GABRG3: variants seen among roughly 807,000 people sequenced by gnomAD.
GABRG3 encodes the protein gamma-aminobutyric acid receptor subunit gamma-3.
Under a neutral mutation model 48.8 loss-of-function variants are expected in GABRG3, and 25 were observed. The ratio of observed to expected loss-of-function variants is 0.51; its 90% CI spans 0.37 to 0.72. The LOEUF (loss-of-function observed/expected upper bound fraction) is 0.72. GABRG3 is among the 30% of genes least tolerant of loss of function. GABRG3 has a pLI of 0.00. For missense variants in GABRG3, 394 were observed against 577.9 expected (o/e 0.68, Z 3.26); for synonymous variants, 227 against 217.6 (o/e 1.04, Z -0.38).
At chr15:27,445,669 G>A (rs925480082) in intron 5 of GABRG3, among the ~76,000 whole-genome samples, 9 of 152,096 alleles carry the variant, frequency 5.9e-5, no homozygotes, top group African/African-American at 2.2e-4. Flanking sequence ...TTTTTGAGGT[G>A]CAAAATTTAA....
At chr15:27,098,705 T>C (rs949145338) in intron 3 of GABRG3, among the ~76,000 whole-genome samples, 1 of 152,046 alleles carries the variant, frequency 6.6e-6, no homozygotes, top group Non-Finnish European at 1.5e-5. Context: ...CCAAGTAAAT[T>C]AGAAATTCTT....
intron 3 of GABRG3, among the ~76,000 whole-genome samples, chr15:27,139,256 C>T (rs974232671): frequency 1.3e-5 from 2 of 152,118 alleles, no homozygotes; most frequent in Admixed American, 6.6e-5. Flanking sequence ...TGAGAAACTG[C>T]GGCTGGTTTG....
At chr15:27,200,943 T>A (rs560756290) in intron 3 of GABRG3, among the ~76,000 whole-genome samples, 2 of 152,220 alleles carry the variant, frequency 1.3e-5, no homozygotes, top group African/African-American at 2.4e-5. Flanking sequence ...AGCTCATCCA[T>A]ACTTCATGAG....
At chr15:27,435,427 T>C (rs1888582006) in intron 5 of GABRG3, among the ~76,000 whole-genome samples, 1 of 152,132 alleles carries the variant, frequency 6.6e-6, no homozygotes, top group African/African-American at 2.4e-5. Context: ...TTGCTCTGTT[T>C]TAATAAAACT....
chr15:27,060,717 G>A (rs113998224), intron 3 of GABRG3, among the ~76,000 whole-genome samples: 1,704 of 152,316 alleles, frequency 0.011, 27 homozygotes, highest in African/African-American at 0.039. Flanking sequence ...GCTGTAGGGT[G>A]TAAGGAAGGA....
At chr15:27,152,415 TCTTCCAA>T (rs1316617487) in intron 3 of GABRG3, among the ~76,000 whole-genome samples, 1 of 152,234 alleles carries the variant, frequency 6.6e-6, no homozygotes, top group Non-Finnish European at 1.5e-5. Context: ...GTAAATTCAT[TCTTCCAA>T]CTTTACTTTT....
chr15:27,124,807 C>A (rs1162899032), intron 3 of GABRG3, among the ~76,000 whole-genome samples: 1 of 152,244 alleles, frequency 6.6e-6, no homozygotes, highest in African/African-American at 2.4e-5. Flanking sequence ...GCTTATAAAA[C>A]CCTGGAGGAG....
intron 2 of GABRG3, among the ~76,000 whole-genome samples, chr15:27,010,421 C>A (rs539078842): frequency 6.6e-6 from 1 of 152,310 alleles, no homozygotes; most frequent in African/African-American, 2.4e-5. Context: ...TTGCTTGATT[C>A]TTTTACCTAG....
At chr15:27,403,696 C>T (rs924400625) in intron 5 of GABRG3, among the ~76,000 whole-genome samples, 1 of 151,642 alleles carries the variant, frequency 6.6e-6, no homozygotes, top group Admixed American at 6.6e-5. Context: ...GGGCGGATCA[C>T]GAGGTCAGGA....
intron 3 of GABRG3, among the ~76,000 whole-genome samples, chr15:27,132,138 G>A (rs1166252717): frequency 2.0e-5 from 3 of 151,930 alleles, no homozygotes; most frequent in Admixed American, 2.0e-4. Context: ...TTAGTTTGAT[G>A]TAATCCAATT....
intron 3 of GABRG3, among the ~76,000 whole-genome samples, chr15:27,323,849 C>A (rs1199521396): frequency 6.6e-6 from 1 of 152,156 alleles, no homozygotes; most frequent in Non-Finnish European, 1.5e-5. Context: ...ACCCAGGGCA[C>A]GTGGTTCACG....
chr15:27,042,940 G>A (rs1896303060), intron 3 of GABRG3, among the ~76,000 whole-genome samples: 1 of 152,250 alleles, frequency 6.6e-6, no homozygotes, highest in African/African-American at 2.4e-5. Flanking sequence ...CTTGAGGCTT[G>A]CATGTTGCAC....
At chr15:27,338,391 G>C (rs1894049303) in intron 5 of GABRG3, among the ~76,000 whole-genome samples, 1 of 152,112 alleles carries the variant, frequency 6.6e-6, no homozygotes, top group African/African-American at 2.4e-5. Context: ...AAACATACTT[G>C]CTATGAGGAG....
At chr15:27,243,346 CAGCCAATCTCACTTGCA>C (rs1481520648) in intron 3 of GABRG3, among the ~76,000 whole-genome samples, 2 of 152,104 alleles carry the variant, frequency 1.3e-5, no homozygotes, top group Non-Finnish European at 2.9e-5. Flanking sequence ...ATCAAGGGGT[CAGCCAATCTCACTTGCA>C]TTTGGCAGAG....
intron 3 of GABRG3, among the ~76,000 whole-genome samples, chr15:27,028,964 C>T (rs1896032553): frequency 1.3e-5 from 2 of 152,128 alleles, no homozygotes; most frequent in Non-Finnish European, 1.5e-5. Context: ...CTTAGAATGG[C>T]CGGGGGCATT....
intron 5 of GABRG3, among the ~76,000 whole-genome samples, chr15:27,390,911 C>G (rs1595723809): frequency 6.6e-6 from 1 of 151,936 alleles, no homozygotes; most frequent in Admixed American, 6.6e-5. Flanking sequence ...CAACATGGTG[C>G]AATGCCATCT....
intron 5 of GABRG3, among the ~76,000 whole-genome samples, chr15:27,399,741 T>C (rs962880908): frequency 1.3e-5 from 2 of 152,208 alleles, no homozygotes; most frequent in African/African-American, 4.8e-5. Flanking sequence ...GTCCATTTTG[T>C]TAAAATGTCT....
At chr15:27,187,590 C>T (rs536094058) in intron 3 of GABRG3, among the ~76,000 whole-genome samples, 86 of 152,058 alleles carry the variant, frequency 5.7e-4, no homozygotes, top group African/African-American at 2.0e-3. Context: ...CTTTCATCAA[C>T]GTTTTGTTGT....
intron 5 of GABRG3, among the ~76,000 whole-genome samples, chr15:27,430,810 C>T (rs1042118982): frequency 1.3e-5 from 2 of 151,634 alleles, no homozygotes; most frequent in South Asian, 2.1e-4. Context: ...GCCAACATGC[C>T]GAAACCCCGT....
Sources: allele counts gnomAD v4.1 joint callset (sites outside exome capture counted in the v4.1 genomes callset), GRCh38; gene constraint gnomAD v4.1.1; transcripts MANE v1.5; gene names NCBI Gene and HGNC (gene_info 2026-07-23, HGNC 2026-07-21).